Variants in HIVEP1 observed in about 807,000 individuals in gnomAD.
HIVEP1 encodes the protein zinc finger protein 40.
Under a neutral mutation model 180.0 loss-of-function variants are expected in HIVEP1, and 36 were observed. The observed-to-expected ratio is 0.20, with a 90% CI of 0.15 to 0.26. HIVEP1 has a LOEUF of 0.26. HIVEP1 is among the 10% of genes least tolerant of loss of function. HIVEP1 has a pLI of 1.00. For synonymous variants in HIVEP1, 1,239 were observed against 1,239.0 expected (o/e 1.00, Z 0.00); for missense variants, 3,143 against 3,268.7 (o/e 0.96, Z 0.94).
chr6:12,106,857 T>C (rs9366985), intron 3 of HIVEP1, among the ~76,000 whole-genome samples: 42,200 of 152,092 alleles, frequency 0.28, 6,500 homozygotes, highest in Non-Finnish European at 0.35. Flanking sequence ...GAGATATTCT[T>C]TATCGTATTT....
At chr6:12,043,765 A>G (rs930969888) in intron 2 of HIVEP1, among the ~76,000 whole-genome samples, 8 of 152,198 alleles carry the variant, frequency 5.3e-5, no homozygotes, top group African/African-American at 1.9e-4. Context: ...GTTCTCGTTG[A>G]ACCGACGCTG....
At chr6:12,071,367 C>T (rs932279265) in intron 2 of HIVEP1, among the ~76,000 whole-genome samples, 1 of 152,164 alleles carries the variant, frequency 6.6e-6, no homozygotes, top group Non-Finnish European at 1.5e-5. Context: ...AGACTCTGAT[C>T]GCTCTCCTGA....
chr6:12,013,461 TGG>T (rs1390056415), intron 1 of HIVEP1, among the ~76,000 whole-genome samples: 2 of 152,078 alleles, frequency 1.3e-5, no homozygotes, highest in African/African-American at 4.8e-5. Context: ...GATTTAAATA[TGG>T]GATGGACAGC....
chr6:12,104,234 A>C (rs1755554387), intron 3 of HIVEP1, among the ~76,000 whole-genome samples: 1 of 151,668 alleles, frequency 6.6e-6, no homozygotes, highest in Non-Finnish European at 1.5e-5. Context: ...CAATTTTTAG[A>C]CTTTATCTCC....
At chr6:12,131,073 A>T (rs990655819) in intron 6 of HIVEP1, 131 bp downstream of exon 6, 7 of 542,532 alleles carry the variant, frequency 1.3e-5, no homozygotes, top group Non-Finnish European at 1.9e-5. Context: ...CATCTTGTCA[A>T]TGTTGTAGTC....
chr6:12,162,036 C>A, intron 8 of HIVEP1, 107 bp downstream of exon 8: 4 of 1,047,626 alleles, frequency 3.8e-6, no homozygotes, highest in Non-Finnish European at 5.5e-6. Context: ...TTTTTTTAGG[C>A]CAAATCAGTT....
At chr6:12,008,477 C>G (rs1767115418), upstream of HIVEP1, 1 of 152,284 alleles carries the variant, frequency 6.6e-6, no homozygotes, top group Admixed American at 6.5e-5. Flanking sequence ...TCCAGGATCA[C>G]TAGAGGGGTG....
rs186847939 is a variant in HIVEP1, at chr6:12,161,468, T to C, written c.6517T>C (p.Ser2173Pro). 4.9e-4 allele frequency: 795 copies of C among 1,613,828 alleles called. 2 individuals are homozygous for C. Among genetic ancestry groups the C allele is most frequent in the Non-Finnish European group, 5.1e-4 (605 of 1,179,730 alleles). ...AAAACAGAGATTCAGTTATGAGCGA[T>C]CTGGATATGATCTTGAAGAATCTGA... is the stretch of plus-strand genomic sequence containing the variant. ...DEKQRFSYERSGYDLEESDGP... is the reference protein window; with the variant it reads ...DEKQRFSYERPGYDLEESDGP... Residue 2173 changes from serine to proline, a missense_variant, in exon 8 of 9, where the codon TCT becomes CCT. Coordinates refer to ENST00000379388, the MANE Select transcript of HIVEP1 (RefSeq NM_002114.4).
chr6:12,176,263 C>T, the HIVEP1 span, among the ~76,000 whole-genome samples: 7 of 134,632 alleles, frequency 5.2e-5, no homozygotes, highest in Admixed American at 8.2e-5. Flanking sequence ...AACGAAGTCT[C>T]GCTCTTGTCC....
chr6:12,111,235 T>C (rs959160950), intron 3 of HIVEP1, among the ~76,000 whole-genome samples: 1 of 152,176 alleles, frequency 6.6e-6, no homozygotes, highest in Non-Finnish European at 1.5e-5. Context: ...AGTGCATATG[T>C]TTGGAGAAAT....
At chr6:12,181,648 C>T in the HIVEP1 span, among the ~76,000 whole-genome samples, 8 of 152,104 alleles carry the variant, frequency 5.3e-5, no homozygotes, top group South Asian at 2.1e-4. Flanking sequence ...GAAAAGTATT[C>T]GGAGACTTTG....
chr6:12,013,921 C>G (rs1327766209), intron 1 of HIVEP1, among the ~76,000 whole-genome samples: 1 of 152,138 alleles, frequency 6.6e-6, no homozygotes, highest in African/African-American at 2.4e-5. Flanking sequence ...TGAAGTTAAT[C>G]GTGGCCTTCT....
chr6:12,142,354 A>G (rs111758821), intron 7 of HIVEP1, among the ~76,000 whole-genome samples: 22 of 152,346 alleles, frequency 1.4e-4, no homozygotes, highest in Admixed American at 1.3e-3. Flanking sequence ...AAGACACAAC[A>G]TATCAGAATC....
At chr6:12,185,920 C>T in the HIVEP1 span, among the ~76,000 whole-genome samples, 68 of 152,232 alleles carry the variant, frequency 4.5e-4, 1 homozygote, top group East Asian at 0.013. Context: ...TATCATTCAA[C>T]CTAGCAAATT....
chr6:12,163,284 G>A lies in HIVEP1; in HGVS notation c.6980G>A (p.Ser2327Asn). The change falls in exon 9 of 9, where the codon AGC becomes AAC. Residue 2327 changes from serine to asparagine, a missense_variant and splice_region_variant. Ser to Asn is a conservative substitution (Grantham distance 46, BLOSUM62 1). This residue lies in a region of HIVEP1 where 595 missense variants were observed against 602.2 expected (regional missense o/e 0.99). Transcript: ENST00000379388. ...MAGKAVAITQ[S>N]PSSVRLPPAA... ...GGATTGCTCTCTCTTGTCATTTAGA[G>A]CCCATCATCTGTAAGACTTCCTCCT... 6.2e-7 allele frequency: 1 copy of A among 1,611,726 alleles called. No homozygotes were observed. Among genetic ancestry groups the A allele is most frequent in the Non-Finnish European group, 8.5e-7 (1 of 1,178,452 alleles).
chr6:12,098,710 A>G (rs1246479432), intron 3 of HIVEP1, among the ~76,000 whole-genome samples: 1 of 152,248 alleles, frequency 6.6e-6, no homozygotes, highest in East Asian at 1.9e-4. Context: ...GTAGAAAATA[A>G]AAGTGAGAGG....
At chr6:12,108,758 G>A (rs1048369309) in intron 3 of HIVEP1, among the ~76,000 whole-genome samples, 5 of 152,148 alleles carry the variant, frequency 3.3e-5, no homozygotes, top group African/African-American at 7.2e-5. Context: ...CCCGGTTCCC[G>A]CTCGCGCCTC....
intron 3 of HIVEP1, among the ~76,000 whole-genome samples, chr6:12,117,523 G>T (rs973689043): frequency 2.0e-5 from 3 of 152,106 alleles, no homozygotes; most frequent in African/African-American, 4.8e-5. Flanking sequence ...CAAGGTTACA[G>T]TTTTTGTTGT....
intron 2 of HIVEP1, among the ~76,000 whole-genome samples, chr6:12,075,548 A>C (rs528024954): frequency 1.3e-5 from 2 of 149,374 alleles, no homozygotes; most frequent in South Asian, 4.2e-4. Flanking sequence ...ACACGTGTTG[A>C]GTTTGGTAAT....
Sources: allele counts gnomAD v4.1 joint callset (sites outside exome capture counted in the v4.1 genomes callset), GRCh38; gene constraint gnomAD v4.1.1; regional missense constraint gnomAD v4.1.1; transcripts MANE v1.5; gene names NCBI Gene and HGNC (gene_info 2026-07-23, HGNC 2026-07-21).